The following CACNA2D3 variants were observed in gnomAD, a reference collection of about 807,000 sequenced individuals.
CACNA2D3 encodes the protein voltage-dependent calcium channel subunit alpha-2/delta-3.
In CACNA2D3, 60 loss-of-function variants were observed where a neutral mutation model predicts 160.6. The observed-to-expected ratio is 0.37, with a 90% CI of 0.30 to 0.46. CACNA2D3 has a LOEUF of 0.46. Ranked by LOEUF, CACNA2D3 falls within the 20% of genes least tolerant of loss-of-function variation. CACNA2D3 has a pLI of 1.00. For synonymous variants in CACNA2D3, 558 were observed against 492.9 expected, an observed-to-expected ratio of 1.13 and a Z score of -1.75; for missense variants, 1,205 against 1,365.0, an observed-to-expected ratio of 0.88 and a Z score of 1.85.
At chr3:54,219,810 C>A (rs1296763014) in intron 2 of CACNA2D3, among the ~76,000 whole-genome samples, 3 of 151,948 alleles carry the variant, frequency 2.0e-5, no homozygotes, top group African/African-American at 7.3e-5. Context: ...GGTGGTTGTG[C>A]TCACTCATAA....
chr3:54,513,920 G>A (rs1049258710), intron 5 of CACNA2D3, among the ~76,000 whole-genome samples: 6 of 152,110 alleles, frequency 3.9e-5, no homozygotes, highest in African/African-American at 9.7e-5. Flanking sequence ...TGATCCACCT[G>A]CCTTGGCCTC....
Position 55,028,893 on chromosome 3 carries a change from A to C in CACNA2D3, c.2987+10576A>C, listed in dbSNP as rs1287375360. On this transcript the variant is annotated intron_variant, in intron 35 of 37. Transcript: ENST00000474759. ...TGGAAGCCCCAAAAGCTGTGGCTAC[A>C]GTTTTCTTCTCTCATCGCTTCTCCC... Among the ~76,000 whole-genome samples, 6 of 152,312 alleles carry C rather than the reference A, an allele frequency of 3.9e-5. No homozygotes were observed. The East Asian group carries it at 9.7e-4, about 25-fold the overall frequency.
chr3:54,610,575 C>T (rs1419389571), intron 9 of CACNA2D3, among the ~76,000 whole-genome samples: 2 of 151,946 alleles, frequency 1.3e-5, no homozygotes, highest in Non-Finnish European at 2.9e-5. Flanking sequence ...TATCTGGCTT[C>T]TATATTTCAG....
In CACNA2D3 at chr3:54,134,619, A is replaced by C. The variant is rs182623323; in HGVS notation, c.204+11025A>C. ...CCAACATTGGGCATGGATGCTGCAA[A>C]AAGTGGGGGCTGCCTTCCAGCTACA... On this transcript the variant is annotated intron_variant, in intron 2 of 37. Coordinates refer to ENST00000474759, the MANE Select transcript of CACNA2D3 (RefSeq NM_018398.3). 5.0e-3 allele frequency among the ~76,000 whole-genome samples: 767 copies of C among 152,294 alleles called. 3 individuals carry two copies. The highest frequency in any genetic ancestry group is 0.014 in the Middle Eastern group (4 of 294).
At chr3:54,562,715 T>C in intron 5 of CACNA2D3, 85 bp from the exon 6 acceptor site, 1 of 1,184,514 alleles carries the variant, frequency 8.4e-7, no homozygotes, top group Non-Finnish European at 1.2e-6. Context: ...CTTGTGCCAG[T>C]ATCTGCCAAG....
intron 11 of CACNA2D3, among the ~76,000 whole-genome samples, chr3:54,674,276 G>A (rs1480872062): frequency 1.3e-5 from 2 of 152,162 alleles, no homozygotes; most frequent in Non-Finnish European, 2.9e-5. Flanking sequence ...TCAAAGGGGA[G>A]CCACAGAGCC....
At chr3:54,584,551 A>G (rs541767250) in intron 9 of CACNA2D3, among the ~76,000 whole-genome samples, 1 of 152,142 alleles carries the variant, frequency 6.6e-6, no homozygotes, top group Middle Eastern at 3.2e-3. Context: ...ATAACAAAAA[A>G]ATATAACATT....
intron 13 of CACNA2D3, among the ~76,000 whole-genome samples, chr3:54,801,945 G>A (rs1702998388): frequency 6.6e-6 from 1 of 152,148 alleles, no homozygotes; most frequent in South Asian, 2.1e-4. Context: ...TTACCCATAA[G>A]TCTTTCCAAC....
chr3:54,950,845 C>T (rs2107014770), intron 27 of CACNA2D3, among the ~76,000 whole-genome samples: 1 of 152,226 alleles, frequency 6.6e-6, no homozygotes, highest in Admixed American at 6.5e-5. Context: ...TTGCCTGAGC[C>T]AAGTCTGTGC....
intron 5 of CACNA2D3, among the ~76,000 whole-genome samples, chr3:54,507,729 G>A (rs1210561154): frequency 2.6e-5 from 4 of 152,154 alleles, no homozygotes; most frequent in Non-Finnish European, 5.9e-5. Context: ...GGAGGCTGGG[G>A]CCAGAGTCAC....
chr3:54,127,742 A>G (rs7621763), intron 2 of CACNA2D3, among the ~76,000 whole-genome samples: 59,077 of 151,710 alleles, frequency 0.39, 11,675 homozygotes, highest in East Asian at 0.6. Context: ...ACAGTTTTTA[A>G]TCATTCAGGG....
intron 9 of CACNA2D3, among the ~76,000 whole-genome samples, chr3:54,595,513 G>T (rs929098035): frequency 1.1e-4 from 17 of 152,300 alleles, no homozygotes; most frequent in African/African-American, 3.8e-4. Flanking sequence ...ATGCTATGGA[G>T]ACTGAGACTG....
At position 54,527,425 on chromosome 3, in the gene CACNA2D3, T is replaced by A. The variant is rs143291782; in HGVS notation, c.544+23771T>A. 2.0e-5 allele frequency among the ~76,000 whole-genome samples: 3 copies of A among 152,308 alleles called. No individual in the cohort carries two copies. The East Asian group carries it at 5.8e-4, about 29-fold the overall frequency. ...GCTGGGGGTGGGGACTATGGCATGA[T>A]TCTCTCTTAGTGACATGTATGTTTA... On this transcript the variant is annotated intron_variant, in intron 5 of 37. Coordinates refer to ENST00000474759, the MANE Select transcript of CACNA2D3 (RefSeq NM_018398.3).
At chr3:54,365,756 G>A (rs906033331) in intron 3 of CACNA2D3, among the ~76,000 whole-genome samples, 3 of 152,144 alleles carry the variant, frequency 2.0e-5, no homozygotes, top group African/African-American at 4.8e-5. Context: ...CCAGCTACTC[G>A]GGAGGCTGAG....
chr3:54,455,729 C>G (rs1700386726), intron 4 of CACNA2D3, among the ~76,000 whole-genome samples: 3 of 151,982 alleles, frequency 2.0e-5, no homozygotes, highest in African/African-American at 7.2e-5. Context: ...GTCTTTAATT[C>G]ATTTTGAGTT....
chr3:55,054,721 C>CAATT (rs1008145277), intron 35 of CACNA2D3, among the ~76,000 whole-genome samples: 54 of 152,008 alleles, frequency 3.6e-4, no homozygotes, highest in African/African-American at 1.3e-3. Context: ...CTATGTGACA[C>CAATT]AATTACTGTA....
chr3:54,631,609 A>G (rs1042432202), intron 10 of CACNA2D3, among the ~76,000 whole-genome samples: 1 of 152,250 alleles, frequency 6.6e-6, no homozygotes, highest in African/African-American at 2.4e-5. Context: ...AGAGGTTACT[A>G]TAATTGAATG....
intron 11 of CACNA2D3, among the ~76,000 whole-genome samples, chr3:54,650,397 T>C (rs1032641494): frequency 2.0e-5 from 3 of 151,984 alleles, no homozygotes; most frequent in Non-Finnish European, 4.4e-5. Context: ...AGTCTTGCTG[T>C]GTTGCCCAGG....
intron 5 of CACNA2D3, among the ~76,000 whole-genome samples, chr3:54,517,795 C>T (rs944271379): frequency 1.3e-5 from 2 of 152,144 alleles, no homozygotes; most frequent in African/African-American, 4.8e-5. Flanking sequence ...TCCTGTTGCT[C>T]CAACCCTGCC....
Sources: gnomAD v4.1 joint callset for allele counts (sites outside exome capture counted in the v4.1 genomes callset) on GRCh38, gnomAD v4.1.1 for gene constraint, MANE v1.5 for transcripts, NCBI Gene and HGNC (gene_info 2026-07-23, HGNC 2026-07-21) for gene names.